The following MTMR9 variants were observed in gnomAD, a reference collection of about 807,000 sequenced individuals.
MTMR9 encodes myotubularin-related protein 9.
A neutral mutation model predicts 69.5 loss-of-function variants in MTMR9; 39 were observed. The ratio of observed to expected loss-of-function variants is 0.56; its 90% CI spans 0.43 to 0.73. MTMR9 has a LOEUF of 0.73. MTMR9 is among the 30% of genes least tolerant of loss of function. The probability of loss-of-function intolerance (pLI) is 0.00; values close to 1 mark genes in which losing one functional copy is unlikely to be tolerated. For missense variants in MTMR9, 900 were observed against 671.2 expected (o/e 1.34, Z -3.77); for synonymous variants, 354 against 240.8 (o/e 1.47, Z -4.35).
chr8:11,338,655 T>C, the MTMR9 span, among the ~76,000 whole-genome samples: 1 of 152,202 alleles, frequency 6.6e-6, no homozygotes, highest in Non-Finnish European at 1.5e-5. Context: ...GTCACTGCTT[T>C]GCCTTATACA....
At chr8:11,291,872 G>A (rs1799389633) in intron 1 of MTMR9, among the ~76,000 whole-genome samples, 1 of 151,838 alleles carries the variant, frequency 6.6e-6, no homozygotes, top group Non-Finnish European at 1.5e-5. Flanking sequence ...GAATGACAGT[G>A]ATTTTTAAAA....
rs1800883070 is a variant in MTMR9 at position 11,325,351 on chromosome 8, T to C, written c.*2563T>C. ...AGAATAAATGACACGGATACACTCC[T>C]GAGAAGACACTCGTTAAACATTGCA... On this transcript the variant is annotated 3_prime_UTR_variant, in exon 10 of 10. Coordinates refer to ENST00000221086, the MANE Select transcript of MTMR9 (RefSeq NM_015458.4). The C allele has an allele frequency of 6.6e-6, 1 of 152,216 alleles. No homozygotes were observed. Among genetic ancestry groups the C allele is most frequent in the African/African-American group, 2.4e-5 (1 of 41,454 alleles). The allele number at this position is 152,216 out of a possible 1,614,324, so 9.4% of individuals were successfully genotyped here.
intron 1 of MTMR9, among the ~76,000 whole-genome samples, chr8:11,293,686 G>A (rs567648958): frequency 6.6e-6 from 1 of 151,462 alleles, no homozygotes; most frequent in South Asian, 2.1e-4. Flanking sequence ...TTATAGCTTT[G>A]GGTTTTACAT....
At chr8:11,294,471 T>C (rs1239530126) in intron 1 of MTMR9, among the ~76,000 whole-genome samples, 1 of 151,512 alleles carries the variant, frequency 6.6e-6, no homozygotes, top group East Asian at 1.9e-4. Context: ...AAATCAGAAA[T>C]GGATGTTAGA....
the MTMR9 span, among the ~76,000 whole-genome samples, chr8:11,334,714 C>T: frequency 6.6e-6 from 1 of 151,792 alleles, no homozygotes; most frequent in Non-Finnish European, 1.5e-5. Context: ...CAGACAATGA[C>T]GGAATGGAAA....
At chr8:11,291,698 A>G (rs1200428326) in intron 1 of MTMR9, among the ~76,000 whole-genome samples, 1 of 151,910 alleles carries the variant, frequency 6.6e-6, no homozygotes. Flanking sequence ...ACTACATAAA[A>G]CCTGCCAGAC....
intron 6 of MTMR9, among the ~76,000 whole-genome samples, chr8:11,312,864 C>A (rs1000070622): frequency 6.6e-6 from 1 of 152,226 alleles, no homozygotes; most frequent in African/African-American, 2.4e-5. Flanking sequence ...AAACAACATT[C>A]ATCTCCATGT....
rs1279099697 is a variant in MTMR9, at chr8:11,285,141, C to T, written c.182+71C>T. On this transcript the variant is annotated intron_variant, in intron 1 of 9. Transcript: ENST00000221086. ...TTGTGGGCGCCCCGGGAAATACTTCCTGGCGTTTTCCGCGCAGCCTGCCGC... is the reference window on the plus strand; with the variant it reads ...TTGTGGGCGCCCCGGGAAATACTTCTTGGCGTTTTCCGCGCAGCCTGCCGC... 3.5e-6 allele frequency: 5 copies of T among 1,413,874 alleles called. No individual in the cohort carries two copies. In the African/African-American group the frequency reaches 5.9e-5, roughly 17 times the overall value. The allele number at this position is 1,413,874 out of a possible 1,614,324, so 87.6% of individuals were successfully genotyped here.
At chr8:11,301,700 G>A (rs780440666) in intron 3 of MTMR9, among the ~76,000 whole-genome samples, 15 of 152,028 alleles carry the variant, frequency 9.9e-5, no homozygotes, top group Non-Finnish European at 1.5e-4. Context: ...TCATGAAATT[G>A]TGTAGTCAAA....
At chr8:11,299,258 A>C (rs1799665845) in intron 2 of MTMR9, among the ~76,000 whole-genome samples, 1 of 152,160 alleles carries the variant, frequency 6.6e-6, no homozygotes, top group African/African-American at 2.4e-5. Flanking sequence ...TGAACCCGGG[A>C]GGCGGAGGCT....
intron 1 of MTMR9, among the ~76,000 whole-genome samples, chr8:11,289,123 G>C (rs1423933742): frequency 2.0e-5 from 3 of 152,240 alleles, no homozygotes; most frequent in Admixed American, 2.0e-4. Context: ...AGTAAACTGA[G>C]ATTGCACCAC....
At chr8:11,298,723 C>G (rs566366263) in intron 2 of MTMR9, 45 of 877,538 alleles carry the variant, frequency 5.1e-5, no homozygotes, top group African/African-American at 1.1e-4. Flanking sequence ...CCGCTGCACC[C>G]CCCCCCCGCC....
At chr8:11,307,616 C>G (rs926808371) in intron 5 of MTMR9, among the ~76,000 whole-genome samples, 3 of 152,170 alleles carry the variant, frequency 2.0e-5, no homozygotes, top group African/African-American at 7.2e-5. Flanking sequence ...TTTTGAGGAG[C>G]CTCCATACTG....
Position 11,303,861 on chromosome 8 carries a change from A to G in MTMR9, c.418-980A>G, listed in dbSNP as rs537678596. Among the ~76,000 whole-genome samples, 5 of 152,316 alleles carry G rather than the reference A, an allele frequency of 3.3e-5. No individual in the cohort carries two copies. The South Asian group carries it at 1.0e-3, about 32-fold the overall frequency. On this transcript the variant is annotated intron_variant, in intron 3 of 9. Transcript: ENST00000221086. ...GAAACTATGTTTTTAAACTGGTAAC[A>G]TAAATAACTTTGAAAAGTGAAAAAA...
Position 11,322,817 on chromosome 8 carries a change from C to T in MTMR9, c.*29C>T, listed in dbSNP as rs762380969. 4.4e-6 allele frequency: 7 copies of T among 1,591,708 alleles called. No individual in the cohort carries two copies. The highest frequency in any genetic ancestry group is 6.0e-6 in the Non-Finnish European group (7 of 1,168,664). On this transcript the variant is annotated 3_prime_UTR_variant, in exon 10 of 10. Transcript: ENST00000221086. ...GTCTCCTCGCACCCTTCGCAAGGACCTTCTTGGGCCTGTGTCCGCCGTTCT... is the reference window on the plus strand; with the variant it reads ...GTCTCCTCGCACCCTTCGCAAGGACTTTCTTGGGCCTGTGTCCGCCGTTCT...
Position 11,305,022 on chromosome 8 carries a change from C to T in MTMR9, c.591+8C>T, listed in dbSNP as rs1019646699. 3 of 1,612,826 alleles carry T rather than the reference C, an allele frequency of 1.9e-6. No homozygotes were observed. Among genetic ancestry groups the T allele is most frequent in the Admixed American group, 3.3e-5 (2 of 59,908 alleles). On this transcript the variant is annotated splice_region_variant and intron_variant, in intron 4 of 9. Coordinates refer to ENST00000221086, the MANE Select transcript of MTMR9 (RefSeq NM_015458.4). ...CACAAAAAAAATGGGATGGTAAGTGCACAGCACTACTGCTTGATGTACTGA... is the reference window on the plus strand; with the variant it reads ...CACAAAAAAAATGGGATGGTAAGTGTACAGCACTACTGCTTGATGTACTGA...
At position 11,327,703 on chromosome 8, in the gene MTMR9, C is replaced by T. The variant is rs114309219; in HGVS notation, c.*4915C>T. The T allele has an allele frequency of 1.3e-5, 2 of 152,728 alleles. No homozygotes were observed. The highest frequency in any genetic ancestry group is 4.8e-5 in the African/African-American group (2 of 41,552). The allele number at this position is 152,728 out of a possible 1,614,324, so 9.5% of individuals were successfully genotyped here. On this transcript the variant is annotated 3_prime_UTR_variant, in exon 10 of 10. Coordinates refer to ENST00000221086, the MANE Select transcript of MTMR9 (RefSeq NM_015458.4). Reference sequence around the variant, plus strand: ...TCTTGGATTTAAGTGCACTATTATTCATGGCTTATACAATAAAATTGCACT... The same window carrying T: ...TCTTGGATTTAAGTGCACTATTATTTATGGCTTATACAATAAAATTGCACT...
downstream of MTMR9, among the ~76,000 whole-genome samples, chr8:11,329,504 C>G (rs530918574): frequency 6.6e-6 from 1 of 152,242 alleles, no homozygotes; most frequent in Non-Finnish European, 1.5e-5. Context: ...TTGGTGGAGA[C>G]AGGGTTTCGC....
chr8:11,295,338 A>G (rs955020912), intron 2 of MTMR9, 36 bp downstream of exon 2: 2 of 1,133,140 alleles, frequency 1.8e-6, no homozygotes, highest in Non-Finnish European at 2.7e-6. Flanking sequence ...ATGAAACATA[A>G]TTTTATATTA....
Sources: allele counts gnomAD v4.1 joint callset (sites outside exome capture counted in the v4.1 genomes callset), GRCh38; gene constraint gnomAD v4.1.1; transcripts MANE v1.5; gene names NCBI Gene and HGNC (gene_info 2026-07-23, HGNC 2026-07-21).